The following MICU1 variants were observed in gnomAD, a reference collection of about 807,000 sequenced individuals.
MICU1 encodes mitochondrial calcium uptake 1.
A neutral mutation model predicts 56.8 loss-of-function variants in MICU1; 45 were observed. That is an observed-to-expected ratio of 0.79 (90% CI 0.62 to 1.02). MICU1 has a LOEUF of 1.02. Among genes scored for constraint, MICU1 ranks in the 50% least tolerant of loss-of-function variants. The probability of loss-of-function intolerance (pLI) is 0.00; values close to 1 mark genes in which losing one functional copy is unlikely to be tolerated. For missense variants in MICU1, 504 were observed against 587.1 expected, an observed-to-expected ratio of 0.86 and a Z score of 1.46; for synonymous variants, 186 against 195.1, an observed-to-expected ratio of 0.95 and a Z score of 0.39.
At chr10:72,524,545 T>C (rs1253931359) in intron 5 of MICU1, among the ~76,000 whole-genome samples, 1 of 152,230 alleles carries the variant, frequency 6.6e-6, no homozygotes, top group Admixed American at 6.5e-5. Context: ...TCAAATTCTC[T>C]GGGACTTGTG....
At chr10:72,598,136 C>T (rs1841427338) in intron 1 of MICU1, among the ~76,000 whole-genome samples, 2 of 152,026 alleles carry the variant, frequency 1.3e-5, no homozygotes, top group African/African-American at 2.4e-5. Context: ...GTAGCTAATG[C>T]TATTAGTCAT....
At chr10:72,521,257 C>T (rs1867811984) in intron 5 of MICU1, among the ~76,000 whole-genome samples, 1 of 152,086 alleles carries the variant, frequency 6.6e-6, no homozygotes, top group Admixed American at 6.6e-5. Flanking sequence ...CAACCTTGAT[C>T]TAAACTGCTT....
intron 3 of MICU1, among the ~76,000 whole-genome samples, chr10:72,562,407 G>A (rs1487350407): frequency 1.3e-5 from 2 of 152,010 alleles, no homozygotes; most frequent in South Asian, 2.1e-4. Flanking sequence ...ACCCACCTCC[G>A]CCTCCCAGAG....
intron 11 of MICU1, among the ~76,000 whole-genome samples, chr10:72,374,545 GACTTGCAACT>G (rs1020113852): frequency 6.6e-5 from 10 of 152,122 alleles, no homozygotes; most frequent in Non-Finnish European, 1.3e-4. Flanking sequence ...AGGTGAAAAG[GACTTGCAACT>G]ACCCTTAAAA....
chr10:72,446,480 G>A (rs1324747710), intron 8 of MICU1, among the ~76,000 whole-genome samples: 1 of 151,844 alleles, frequency 6.6e-6, no homozygotes, highest in Non-Finnish European at 1.5e-5. Flanking sequence ...ACAGGTGTCC[G>A]CTACCATGCC....
intron 5 of MICU1, chr10:72,523,725 T>C: frequency 9.7e-7 from 1 of 1,026,544 alleles, no homozygotes; most frequent in Non-Finnish European, 1.3e-6. Context: ...GAGAGTAATA[T>C]TTTAATGAAT....
intron 6 of MICU1, among the ~76,000 whole-genome samples, chr10:72,477,926 T>C (rs568024707): frequency 3.6e-4 from 55 of 150,694 alleles, no homozygotes; most frequent in Non-Finnish European, 6.6e-4. Context: ...TGGAGTGCAG[T>C]AGTGCCATCT....
chr10:72,596,507 C>G (rs565141084), intron 1 of MICU1, among the ~76,000 whole-genome samples: 2 of 152,198 alleles, frequency 1.3e-5, no homozygotes, highest in African/African-American at 4.8e-5. Context: ...GAACCATACA[C>G]TTAAAAATGA....
intron 10 of MICU1, among the ~76,000 whole-genome samples, chr10:72,394,804 G>A (rs1263772204): frequency 6.6e-6 from 1 of 152,060 alleles, no homozygotes; most frequent in Admixed American, 6.6e-5. Context: ...CCCCATCTCT[G>A]TTTTTTAAAA....
chr10:72,451,792 T>C (rs1865307875), intron 8 of MICU1, among the ~76,000 whole-genome samples: 1 of 151,956 alleles, frequency 6.6e-6, no homozygotes, highest in African/African-American at 2.4e-5. Flanking sequence ...ATCCTCCTGC[T>C]TTGGCCTCTT....
intron 6 of MICU1, chr10:72,501,740 C>CCGAATCACA (rs1867074710): frequency 6.6e-6 from 1 of 152,026 alleles, no homozygotes; most frequent in Non-Finnish European, 1.5e-5. Context: ...GGCCCATTAC[C>CCGAATCACA]CGAATCACAT....
chr10:72,549,681 A>G (rs1187433836), intron 4 of MICU1, among the ~76,000 whole-genome samples: 1 of 152,128 alleles, frequency 6.6e-6, no homozygotes, highest in Non-Finnish European at 1.5e-5. Flanking sequence ...CTGTAATCTC[A>G]TCACTTTGGG....
At chr10:72,419,821 C>T (rs1051539888) in intron 9 of MICU1, among the ~76,000 whole-genome samples, 5 of 152,284 alleles carry the variant, frequency 3.3e-5, no homozygotes, top group African/African-American at 4.8e-5. Flanking sequence ...ATCTTCATGC[C>T]TACCATGCCA....
intron 8 of MICU1, among the ~76,000 whole-genome samples, chr10:72,473,951 G>A (rs1866025921): frequency 6.6e-6 from 1 of 151,754 alleles, no homozygotes. Flanking sequence ...ATTAAGGTAG[G>A]GCGTGTGTTA....
intron 10 of MICU1, among the ~76,000 whole-genome samples, chr10:72,393,675 G>A (rs1332713787): frequency 1.3e-5 from 2 of 152,226 alleles, no homozygotes; most frequent in Admixed American, 6.5e-5. Flanking sequence ...GGAGGCAGAT[G>A]CAGGGTACGT....
At chr10:72,491,869 G>A (rs181927989) in intron 6 of MICU1, among the ~76,000 whole-genome samples, 3 of 151,926 alleles carry the variant, frequency 2.0e-5, no homozygotes, top group East Asian at 1.9e-4. Flanking sequence ...AAACACAGGC[G>A]TGACTACAAG....
At chr10:72,438,226 A>G (rs572304933) in intron 8 of MICU1, among the ~76,000 whole-genome samples, 1 of 152,354 alleles carries the variant, frequency 6.6e-6, no homozygotes, top group East Asian at 1.9e-4. Context: ...ATCAAATTAG[A>G]ACTCAGGATT....
chr10:72,397,523 G>GT (rs1757426515), intron 10 of MICU1, among the ~76,000 whole-genome samples: 1 of 152,210 alleles, frequency 6.6e-6, no homozygotes, highest in African/African-American at 2.4e-5. Flanking sequence ...TCAGTGTGCT[G>GT]TATTTAGGAG....
At chr10:72,435,064 C>G (rs997116938) in intron 8 of MICU1, among the ~76,000 whole-genome samples, 7 of 151,980 alleles carry the variant, frequency 4.6e-5, no homozygotes, top group South Asian at 2.1e-4. Context: ...ATCTCCTCAT[C>G]ATTGTGAGTA....
Sources: gnomAD v4.1 joint callset for allele counts (sites outside exome capture counted in the v4.1 genomes callset) on GRCh38, gnomAD v4.1.1 for gene constraint, MANE v1.5 for transcripts, NCBI Gene and HGNC (gene_info 2026-07-23, HGNC 2026-07-21) for gene names.